TMEM108: variants seen among roughly 807,000 people sequenced by gnomAD.
TMEM108 encodes the protein cancer/testis antigen 124.
In TMEM108, 12 loss-of-function variants were observed where a neutral mutation model predicts 35.1. The ratio of observed to expected loss-of-function variants is 0.34; its 90% CI spans 0.22 to 0.55. The LOEUF (loss-of-function observed/expected upper bound fraction) is 0.55, where lower values mean the gene tolerates loss of function less well. Ranked by LOEUF, TMEM108 falls within the 20% of genes least tolerant of loss-of-function variation. TMEM108 has a pLI of 0.89. For synonymous variants in TMEM108, 287 were observed against 308.6 expected (o/e 0.93, Z 0.73); for missense variants, 680 against 753.3 (o/e 0.90, Z 1.14).
chr3:133,069,810 C>G (rs915956453), intron 2 of TMEM108, among the ~76,000 whole-genome samples: 3 of 152,170 alleles, frequency 2.0e-5, no homozygotes, highest in African/African-American at 7.2e-5. Context: ...ATAATTGACT[C>G]ACCTCACTCT....
At chr3:133,247,224 C>G (rs1376972784) in intron 3 of TMEM108, 1 of 152,058 alleles carries the variant, frequency 6.6e-6, no homozygotes, top group East Asian at 1.9e-4. Flanking sequence ...CTTAGTTCAT[C>G]GTTATTTTTT....
chr3:133,221,300 AG>A (rs1945986534), intron 2 of TMEM108, among the ~76,000 whole-genome samples: 1 of 152,136 alleles, frequency 6.6e-6, no homozygotes, highest in Non-Finnish European at 1.5e-5. Flanking sequence ...TTAGAAAAAA[AG>A]ATGCTCCTAT....
chr3:133,303,016 C>T lies in TMEM108; in HGVS notation c.40+73665C>T, dbSNP rs186712481. On this transcript the variant is annotated intron_variant, in intron 3 of 5. Coordinates refer to ENST00000321871, the MANE Select transcript of TMEM108 (RefSeq NM_023943.4). ...CTGTCTCTTGATGGGTTCTTAAACC[C>T]ATCTACTGGTAAAGCCTGAAGTGTT... Among the ~76,000 whole-genome samples the T allele has an allele frequency of 1.6e-3, 245 of 152,204 alleles. 6 individuals are homozygous for T. The highest frequency in any genetic ancestry group is 5.7e-3 in the African/African-American group (237 of 41,494).
chr3:133,310,955 A>T (rs2071120706), intron 3 of TMEM108, among the ~76,000 whole-genome samples: 1 of 152,188 alleles, frequency 6.6e-6, no homozygotes. Context: ...TTGTCTGTAA[A>T]GGATTTTGTT....
At chr3:133,214,303 T>C (rs1945874803) in intron 2 of TMEM108, among the ~76,000 whole-genome samples, 2 of 152,174 alleles carry the variant, frequency 1.3e-5, no homozygotes, top group Non-Finnish European at 1.5e-5. Context: ...CTTCTTGGTG[T>C]CCATGTCCCC....
intron 4 of TMEM108, chr3:133,389,684 AAAAAAAAAAAAAAAAAG>A (rs2073204284): frequency 2.9e-4 from 8 of 27,802 alleles, no homozygotes; most frequent in Non-Finnish European, 3.6e-4. Context: ...AGACTCCATC[AAAAAAAAAAAAAAAAAG>A]AAAAAAAAAA....
chr3:133,282,480 ATCTT>A lies in TMEM108; in HGVS notation c.40+53130_40+53133del, dbSNP rs375751777. ...CATATCCATGTTTCTTTACACAGTCATCTTGTTTCTTACATCTTTGCGTAAACTC... is the reference window on the plus strand; with the variant it reads ...CATATCCATGTTTCTTTACACAGTCAGTTTCTTACATCTTTGCGTAAACTC... On this transcript the variant is annotated intron_variant, in intron 3 of 5. Transcript: ENST00000321871. 1.8e-4 allele frequency among the ~76,000 whole-genome samples: 27 copies of A among 152,290 alleles called. No homozygotes were observed. The East Asian group carries it at 3.9e-3, about 22-fold the overall frequency.
intron 3 of TMEM108, among the ~76,000 whole-genome samples, chr3:133,245,935 T>G (rs1159139945): frequency 6.6e-6 from 1 of 152,102 alleles, no homozygotes; most frequent in African/African-American, 2.4e-5. Context: ...AATAAAAAAA[T>G]CTAGTGAAAT....
chr3:133,228,699 A>G (rs78096431), intron 2 of TMEM108, among the ~76,000 whole-genome samples: 1,949 of 152,294 alleles, frequency 0.013, 53 homozygotes, highest in African/African-American at 0.044. Flanking sequence ...TGTGAGCAGT[A>G]ATCACCTCTT....
chr3:133,051,971 A>G (rs1943411262), intron 2 of TMEM108, among the ~76,000 whole-genome samples: 2 of 152,110 alleles, frequency 1.3e-5, no homozygotes, highest in East Asian at 3.9e-4. Context: ...TGTGTTGGCT[A>G]TTCTGCGTGT....
intron 2 of TMEM108, among the ~76,000 whole-genome samples, chr3:133,082,079 T>C (rs955883363): frequency 6.6e-6 from 1 of 152,200 alleles, no homozygotes; most frequent in Non-Finnish European, 1.5e-5. Context: ...TGAAAATAAA[T>C]CTGAGCAGCA....
intron 3 of TMEM108, among the ~76,000 whole-genome samples, chr3:133,300,975 T>TACACACACACACAC (rs66703555): frequency 1.5e-5 from 2 of 131,286 alleles, no homozygotes; most frequent in Non-Finnish European, 3.2e-5. Flanking sequence ...CAGACCCCAG[T>TACACACACACACAC]ACACACACAC....
intron 2 of TMEM108, among the ~76,000 whole-genome samples, chr3:133,179,922 T>G (rs1338052950): frequency 6.6e-6 from 1 of 151,462 alleles, no homozygotes; most frequent in Non-Finnish European, 1.5e-5. Flanking sequence ...TACACCTCAA[T>G]TTTAAAAAGT....
At chr3:133,197,196 C>G (rs1945591033) in intron 2 of TMEM108, among the ~76,000 whole-genome samples, 1 of 152,184 alleles carries the variant, frequency 6.6e-6, no homozygotes, top group Non-Finnish European at 1.5e-5. Context: ...AAGCCACTCT[C>G]TGAGGAATAG....
At chr3:133,246,391 A>G (rs1272111802) in intron 3 of TMEM108, 1 of 152,154 alleles carries the variant, frequency 6.6e-6, no homozygotes, top group African/African-American at 2.4e-5. Flanking sequence ...TGAGTCCAGC[A>G]GTTTTTTGGC....
intron 3 of TMEM108, among the ~76,000 whole-genome samples, chr3:133,323,189 G>T (rs2071287795): frequency 6.6e-6 from 1 of 152,042 alleles, no homozygotes; most frequent in Non-Finnish European, 1.5e-5. Flanking sequence ...GAAATGAAGG[G>T]CATCCAAATC....
intron 2 of TMEM108, among the ~76,000 whole-genome samples, chr3:133,176,561 A>G (rs1212267727): frequency 6.6e-6 from 1 of 152,232 alleles, no homozygotes; most frequent in Non-Finnish European, 1.5e-5. Context: ...CTGCTCCTGA[A>G]TGACTACTGG....
rs1226227594 is a variant in TMEM108 at position 133,390,324 on chromosome 3, A to C, written c.1595A>C (p.Glu532Ala). The C allele has an allele frequency of 2.2e-5, 35 of 1,614,164 alleles. 1 individual carries two copies. Among genetic ancestry groups the C allele is most frequent in the South Asian group, 6.6e-5 (6 of 91,068 alleles). The change falls in exon 5 of 6, where the codon GAA (glutamate) becomes GCA (alanine). Residue 532 changes from glutamate (E) to alanine (A), a missense_variant. Glu to Ala is a moderately radical substitution (Grantham distance 107, BLOSUM62 -1). This residue lies in a region of TMEM108 where 105 missense variants were observed against 150.7 expected (regional missense o/e 0.70). Coordinates refer to ENST00000321871, the MANE Select transcript of TMEM108 (RefSeq NM_023943.4). ...VELPREIQSL[E>A]TSEDQLSEPR... The stretch of plus-strand genomic sequence containing the variant: ...CTGCCCAGGGAGATCCAGTCCCTTG[A>C]AACCTCTGAGGTAATGAGCTTGAAA...
rs185440494 is a variant in TMEM108, at chr3:133,242,698, C to T, written c.40+13347C>T. Among the ~76,000 whole-genome samples, 17 of 152,288 alleles carry T rather than the reference C, an allele frequency of 1.1e-4. No individual in the cohort carries two copies. The East Asian group carries it at 3.3e-3, about 29-fold the overall frequency. ...TGCTAGTGCTAGATGCATGATTGTT[C>T]CGTGTTTGATGAGAAGAGGCAAGAA... On this transcript the variant is annotated intron_variant, in intron 3 of 5. Coordinates refer to ENST00000321871, the MANE Select transcript of TMEM108 (RefSeq NM_023943.4).
Sources: allele counts gnomAD v4.1 joint callset (sites outside exome capture counted in the v4.1 genomes callset), GRCh38; gene constraint gnomAD v4.1.1; regional missense constraint gnomAD v4.1.1; transcripts MANE v1.5; gene names NCBI Gene and HGNC (gene_info 2026-07-23, HGNC 2026-07-21).